ZNF761: variants seen among roughly 807,000 people sequenced by gnomAD.
ZNF761 encodes zinc finger protein 761.
ZNF761 carries 43 observed loss-of-function variants against 59.9 expected under a neutral mutation model. The observed-to-expected ratio is 0.72, with a 90% CI of 0.56 to 0.92. The LOEUF (loss-of-function observed/expected upper bound fraction) is 0.92, where lower values mean the gene tolerates loss of function less well. Ranked by LOEUF, ZNF761 falls within the 40% of genes least tolerant of loss-of-function variation. The pLI is 0.00. For missense variants in ZNF761, 850 were observed against 906.1 expected, an observed-to-expected ratio of 0.94 and a Z score of 0.79; for synonymous variants, 294 against 304.8, an observed-to-expected ratio of 0.96 and a Z score of 0.37.
intron 1 of ZNF761, among the ~76,000 whole-genome samples, chr19:53,434,493 G>A (rs989636617): frequency 6.6e-6 from 1 of 152,136 alleles, no homozygotes; most frequent in South Asian, 2.1e-4. Context: ...GCTGATACTA[G>A]GTGTGGTTTA....
At chr19:53,446,848 C>G (rs1372475970) in intron 2 of ZNF761, among the ~76,000 whole-genome samples, 2 of 152,158 alleles carry the variant, frequency 1.3e-5, no homozygotes, top group East Asian at 1.9e-4. Context: ...CACCAAACTC[C>G]TGAGCTCAAG....
At chr19:53,435,749 G>GTA (rs2086035300) in intron 1 of ZNF761, among the ~76,000 whole-genome samples, 1 of 151,530 alleles carries the variant, frequency 6.6e-6, no homozygotes, top group East Asian at 2.0e-4. Flanking sequence ...ATGGTTAAGG[G>GTA]GGGTGACAAC....
At chr19:53,449,950 G>A in intron 4 of ZNF761, 1 of 529,746 alleles carries the variant, frequency 1.9e-6, no homozygotes, top group Middle Eastern at 4.9e-4. Context: ...AGTCTCCCAA[G>A]TAGCTGAGAT....
At chr19:53,449,881 AG>A (rs1349868632) in intron 4 of ZNF761, 3 of 846,514 alleles carry the variant, frequency 3.5e-6, no homozygotes, top group Non-Finnish European at 5.3e-6. Context: ...CTTTCCAGAC[AG>A]GGTCTTGCTG....
chr19:53,442,001 G>C, intron 1 of ZNF761: 2 of 1,158,594 alleles, frequency 1.7e-6, no homozygotes, highest in Non-Finnish European at 2.5e-6. Context: ...ACAGGCAGAG[G>C]CTGAAGTGGC....
At chr19:53,440,491 G>C (rs923625808) in intron 1 of ZNF761, among the ~76,000 whole-genome samples, 29 of 152,160 alleles carry the variant, frequency 1.9e-4, no homozygotes, top group African/African-American at 6.7e-4. Flanking sequence ...CTATCTATAA[G>C]GCATGTACAT....
At chr19:53,453,900 G>A (rs2086241944) in intron 4 of ZNF761, among the ~76,000 whole-genome samples, 1 of 148,780 alleles carries the variant, frequency 6.7e-6, no homozygotes, top group African/African-American at 2.5e-5. Context: ...TAAAAAAAAT[G>A]TTTTAATGTC....
intron 1 of ZNF761, among the ~76,000 whole-genome samples, 164 bp from the exon 2 acceptor site, chr19:53,446,063 G>A (rs150440191): frequency 3.0e-4 from 46 of 152,238 alleles, no homozygotes; most frequent in East Asian, 7.7e-4. Flanking sequence ...AAATGATCAC[G>A]GCCCTGTGCC....
intron 1 of ZNF761, among the ~76,000 whole-genome samples, chr19:53,436,341 T>C (rs1368716861): frequency 1.3e-5 from 2 of 152,254 alleles, no homozygotes; most frequent in African/African-American, 2.4e-5. Context: ...TATTCAGTTA[T>C]GGACTTCTTG....
At chr19:53,454,219 A>T (rs1209068965) in intron 4 of ZNF761, among the ~76,000 whole-genome samples, 1 of 152,188 alleles carries the variant, frequency 6.6e-6, no homozygotes, top group East Asian at 1.9e-4. Context: ...TTATCCTTAC[A>T]TGAGCTTGTT....
At chr19:53,440,337 A>T (rs1265276433) in intron 1 of ZNF761, among the ~76,000 whole-genome samples, 3 of 152,158 alleles carry the variant, frequency 2.0e-5, no homozygotes, top group Admixed American at 6.5e-5. Flanking sequence ...TCAAAAGAAT[A>T]AAAGGGGTGG....
chr19:53,435,470 A>T (rs978034672), intron 1 of ZNF761, among the ~76,000 whole-genome samples: 1 of 151,364 alleles, frequency 6.6e-6, no homozygotes, highest in African/African-American at 2.4e-5. Flanking sequence ...ATGCCTGTTT[A>T]ATTTTGTATT....
intron 1 of ZNF761, chr19:53,443,310 G>A (rs1486876314): frequency 6.5e-6 from 1 of 153,306 alleles, no homozygotes. Context: ...CTGGACTAAT[G>A]TTGAAAGATG....
intron 1 of ZNF761, among the ~76,000 whole-genome samples, chr19:53,436,942 C>T (rs1320170750): frequency 6.6e-6 from 1 of 152,182 alleles, no homozygotes; most frequent in Non-Finnish European, 1.5e-5. Flanking sequence ...GAGTGGGCCC[C>T]TGTCGTGGGT....
intron 1 of ZNF761, 88 bp downstream of exon 1, chr19:53,432,116 A>C (rs73593199): frequency 0.12 from 18,349 of 152,328 alleles, 1,261 homozygotes; most frequent in Middle Eastern, 0.17. Flanking sequence ...ACAAACCTGG[A>C]AATTCTCAGC....
chr19:53,457,031 C>G lies in ZNF761; in HGVS notation c.*283C>G. The G allele has an allele frequency of 1.6e-6, 1 of 631,104 alleles. No individual in the cohort carries two copies. Among genetic ancestry groups the G allele is most frequent in the Non-Finnish European group, 2.8e-6 (1 of 353,796 alleles). 39.1% of individuals were successfully genotyped at this position (631,104 alleles called of 1,614,324 possible). A position where few individuals can be genotyped will look rare whatever the true frequency, so the allele number is the denominator to read the frequency against. ...ACAAGGCTTTTGGGCATGATTCGCA[C>G]CTGGCACAACATGCTAGAATTCACA... is the stretch of plus-strand genomic sequence containing the variant. On this transcript the variant is annotated 3_prime_UTR_variant, in exon 5 of 5. Coordinates refer to ENST00000684525, the MANE Select transcript of ZNF761 (RefSeq NM_001289951.2).
intron 1 of ZNF761, chr19:53,443,205 A>G (rs185870388): frequency 1.2e-5 from 2 of 160,658 alleles, no homozygotes; most frequent in Admixed American, 6.3e-5. Flanking sequence ...TAACCAGTTA[A>G]TGTATTTTTC....
chr19:53,453,398 G>C (rs762053723), intron 4 of ZNF761, among the ~76,000 whole-genome samples: 1 of 152,172 alleles, frequency 6.6e-6, no homozygotes, highest in Non-Finnish European at 1.5e-5. Context: ...TGTGCTGGTT[G>C]TAAGTAGAAG....
At chr19:53,454,215 T>G (rs943950283) in intron 4 of ZNF761, among the ~76,000 whole-genome samples, 1 of 152,232 alleles carries the variant, frequency 6.6e-6, no homozygotes, top group Non-Finnish European at 1.5e-5. Context: ...TTGGTTATCC[T>G]TACATGAGCT....
Sources: allele counts gnomAD v4.1 joint callset (sites outside exome capture counted in the v4.1 genomes callset), GRCh38; gene constraint gnomAD v4.1.1; transcripts MANE v1.5; gene names NCBI Gene and HGNC (gene_info 2026-07-23, HGNC 2026-07-21).